PLXDC2: variants seen among roughly 807,000 people sequenced by gnomAD.
PLXDC2 encodes the protein plexin domain-containing protein 2.
Under a neutral mutation model 68.9 loss-of-function variants are expected in PLXDC2, and 40 were observed. The ratio of observed to expected loss-of-function variants is 0.58; its 90% confidence interval spans 0.45 to 0.76. The LOEUF is 0.76. Among genes scored for constraint, PLXDC2 ranks in the 30% least tolerant of loss-of-function variants. The pLI, the probability that PLXDC2 is intolerant of heterozygous loss-of-function variation, is 0.00. For synonymous variants in PLXDC2, 243 were observed against 234.2 expected (o/e 1.04, Z -0.34); for missense variants, 644 against 661.9 (o/e 0.97, Z 0.30).
At chr10:20,064,140 A>ATTTTTT (rs1836153769) in intron 3 of PLXDC2, among the ~76,000 whole-genome samples, 1 of 150,668 alleles carries the variant, frequency 6.6e-6, no homozygotes. Context: ...TTCATGTTAA[A>ATTTTTT]TATTTCTTAA....
intron 1 of PLXDC2, among the ~76,000 whole-genome samples, chr10:19,985,713 G>A (rs911942048): frequency 2.0e-5 from 3 of 152,172 alleles, no homozygotes; most frequent in African/African-American, 7.2e-5. Context: ...TATCAAGTGA[G>A]CCTGACGTGG....
chr10:19,853,891 C>T (rs1837166788), intron 1 of PLXDC2, among the ~76,000 whole-genome samples: 1 of 152,126 alleles, frequency 6.6e-6, no homozygotes. Context: ...TCCAAATTTA[C>T]CCCAGAAGGC....
Position 19,883,884 on chromosome 10 carries a change from C to CTT in PLXDC2, c.112+66719_112+66720dup, listed in dbSNP as rs397846779. Among the ~76,000 whole-genome samples the CTT allele has an allele frequency of 6.6e-3, 364 of 55,082 alleles. 73 individuals carry two copies. The highest frequency in any genetic ancestry group is 0.022 in the African/African-American group (233 of 10,826). 36.1% of individuals were successfully genotyped at this position (55,082 alleles called of 152,430 possible). Reference sequence around the variant, plus strand: ...ATTACTGTCTCCAGATCCCTTTAAACTTTTTTTTTTTTTTTTTTTTTTTTT... The same window carrying CTT: ...ATTACTGTCTCCAGATCCCTTTAAACTTTTTTTTTTTTTTTTTTTTTTTTTTT... On this transcript the variant is annotated intron_variant, in intron 1 of 13. Transcript: ENST00000377252.
At chr10:19,896,490 A>G (rs550887624) in intron 1 of PLXDC2, among the ~76,000 whole-genome samples, 9 of 152,384 alleles carry the variant, frequency 5.9e-5, no homozygotes, top group Non-Finnish European at 7.3e-5. Flanking sequence ...AGTACCAGAC[A>G]TAAATAAGTC....
chr10:19,938,497 C>A lies in PLXDC2; in HGVS notation c.113-63278C>A, dbSNP rs144494969. Among the ~76,000 whole-genome samples, 4 of 152,222 alleles carry A rather than the reference C, an allele frequency of 2.6e-5. No individual in the cohort carries two copies. In the East Asian group the frequency reaches 5.8e-4, roughly 22 times the overall value. On this transcript the variant is annotated intron_variant, in intron 1 of 13. Transcript: ENST00000377252. ...GACATCTTACACGGCAGGAGCAGGA[C>A]TGAGAGAGAGTTTGGCGGGGGGCTA...
At chr10:19,883,832 C>G (rs751900714) in intron 1 of PLXDC2, among the ~76,000 whole-genome samples, 19 of 141,612 alleles carry the variant, frequency 1.3e-4, no homozygotes, top group Non-Finnish European at 1.7e-4. Context: ...GGAAGGGCAT[C>G]TCTGTTTAGA....
At chr10:20,274,561 G>A (rs1835980140) in intron 13 of PLXDC2, among the ~76,000 whole-genome samples, 1 of 152,124 alleles carries the variant, frequency 6.6e-6, no homozygotes, top group Non-Finnish European at 1.5e-5. Flanking sequence ...TTCCACACCA[G>A]GAAGAATCAA....
chr10:20,001,820 A>G lies in PLXDC2; in HGVS notation c.158A>G (p.Glu53Gly), dbSNP rs758345926. 6.2e-7 allele frequency: 1 copy of G among 1,613,856 alleles called. No homozygotes were observed. The highest frequency in any genetic ancestry group is 8.5e-7 in the Non-Finnish European group (1 of 1,180,004). The change falls in exon 2 of 14, where the codon GAG becomes GGG. Residue 53 changes from glutamate (E) to glycine (G), a missense_variant. By Grantham distance (98) the Glu-to-Gly change is moderately conservative. Around this residue, in one of 3 missense-constraint regions of PLXDC2, gnomAD observed 201 missense variants for 166.9 expected, o/e 1.20. Coordinates refer to ENST00000377252, the MANE Select transcript of PLXDC2 (RefSeq NM_032812.9). ...VTQAFPHTEE[E>G]VEVDSHAYSH... ...CAGGCCTTCCCTCACACAGAGGAGGAGGTGGAAGTTGATTCACACGCGTAC... is the reference window on the plus strand; with the variant it reads ...CAGGCCTTCCCTCACACAGAGGAGGGGGTGGAAGTTGATTCACACGCGTAC...
In PLXDC2 at chr10:20,217,465, A is replaced by T. The variant is rs766309968; in HGVS notation, c.1162A>T (p.Thr388Ser). 3 of 1,612,912 alleles carry T rather than the reference A, an allele frequency of 1.9e-6. No individual in the cohort carries two copies. In the Admixed American group the frequency reaches 5.0e-5, roughly 27 times the overall value. Reference protein sequence around the residue: ...KMCENTEPVETSSRTTTTVGA... With the variant: ...KMCENTEPVESSSRTTTTVGA... Reference sequence around the variant, plus strand: ...GTGTGAGAATACAGAACCAGTGGAAACTTCTTCTCGAACCACCACAACCGT... The same window carrying T: ...GTGTGAGAATACAGAACCAGTGGAATCTTCTTCTCGAACCACCACAACCGT... Residue 388 changes from threonine to serine, a missense_variant, in exon 11 of 14, where the codon ACT becomes TCT. By Grantham distance (58) the Thr-to-Ser change is moderately conservative. Coordinates refer to ENST00000377252, the MANE Select transcript of PLXDC2 (RefSeq NM_032812.9).
intron 7 of PLXDC2, among the ~76,000 whole-genome samples, chr10:20,165,514 T>A (rs1834363060): frequency 6.7e-6 from 1 of 150,210 alleles, no homozygotes; most frequent in Non-Finnish European, 1.5e-5. Flanking sequence ...CACCTATGAG[T>A]GAGAATATGC....
At chr10:20,183,509 A>T (rs1834635523) in intron 9 of PLXDC2, among the ~76,000 whole-genome samples, 2 of 151,960 alleles carry the variant, frequency 1.3e-5, no homozygotes. Context: ...GAGACATGAG[A>T]CTGTTACTGT....
intron 3 of PLXDC2, among the ~76,000 whole-genome samples, chr10:20,063,401 C>T (rs567132003): frequency 9.5e-4 from 144 of 152,158 alleles, no homozygotes; most frequent in African/African-American, 3.3e-3. Flanking sequence ...TTATTAGTGA[C>T]ATTTTAAAAC....
intron 1 of PLXDC2, among the ~76,000 whole-genome samples, chr10:19,829,828 A>T (rs1836652470): frequency 6.6e-6 from 1 of 152,236 alleles, no homozygotes; most frequent in Admixed American, 6.5e-5. Flanking sequence ...TGAAGAACTG[A>T]GAACTCATTT....
At chr10:20,004,356 G>C (rs888026696) in intron 2 of PLXDC2, among the ~76,000 whole-genome samples, 1 of 152,184 alleles carries the variant, frequency 6.6e-6, no homozygotes, top group Non-Finnish European at 1.5e-5. Flanking sequence ...ATCTATAAGA[G>C]GCTATTCTGA....
chr10:19,957,415 A>G (rs960728245), intron 1 of PLXDC2, among the ~76,000 whole-genome samples: 3 of 152,150 alleles, frequency 2.0e-5, no homozygotes, highest in Non-Finnish European at 2.9e-5. Flanking sequence ...TTCACACACA[A>G]AGTTCCAGAT....
intron 12 of PLXDC2, among the ~76,000 whole-genome samples, chr10:20,224,830 A>G (rs1038439433): frequency 3.9e-5 from 6 of 152,206 alleles, no homozygotes; most frequent in Non-Finnish European, 2.9e-5. Context: ...GGTTTGCTTA[A>G]AAAATATTTA....
chr10:20,109,878 C>T (rs2131747028), intron 4 of PLXDC2, among the ~76,000 whole-genome samples: 1 of 152,290 alleles, frequency 6.6e-6, no homozygotes, highest in Middle Eastern at 3.4e-3. Context: ...AGTCAGCCCT[C>T]AGCTTGCTAA....
At chr10:19,987,153 G>T (rs900653190) in intron 1 of PLXDC2, among the ~76,000 whole-genome samples, 1 of 152,118 alleles carries the variant, frequency 6.6e-6, no homozygotes, top group African/African-American at 2.4e-5. Flanking sequence ...ATCCCATTTG[G>T]CTGGAGAGCC....
intron 13 of PLXDC2, among the ~76,000 whole-genome samples, chr10:20,261,617 G>A (rs1467336394): frequency 6.6e-6 from 1 of 152,168 alleles, no homozygotes; most frequent in Non-Finnish European, 1.5e-5. Flanking sequence ...CAGTTTGGGA[G>A]GCTGAGGCGG....
Sources: gnomAD v4.1 joint callset for allele counts (sites outside exome capture counted in the v4.1 genomes callset) on GRCh38, gnomAD v4.1.1 for gene constraint, gnomAD v4.1.1 regional missense constraint, MANE v1.5 for transcripts, NCBI Gene and HGNC (gene_info 2026-07-23, HGNC 2026-07-21) for gene names.